SMG7: variants seen among roughly 807,000 people sequenced by gnomAD.
The protein encoded by SMG7 is nonsense-mediated mRNA decay factor SMG7.
A neutral mutation model predicts 148.2 loss-of-function variants in SMG7; 34 were observed. The observed-to-expected ratio is 0.23, with a 90% CI of 0.17 to 0.31. The LOEUF is 0.31. Ranked by LOEUF, SMG7 falls within the 10% of genes least tolerant of loss-of-function variation. The probability of loss-of-function intolerance (pLI) is 1.00; values close to 1 mark genes in which losing one functional copy is unlikely to be tolerated. For synonymous variants in SMG7, 492 were observed against 515.1 expected (o/e 0.96, Z 0.61); for missense variants, 1,114 against 1,408.4 (o/e 0.79, Z 3.35).
In SMG7 at chr1:183,551,041, T is replaced by A; in HGVS notation, c.3305-4T>A. On this transcript the variant is annotated splice_polypyrimidine_tract_variant and splice_region_variant and intron_variant, in intron 21 of 22. Coordinates refer to ENST00000688051, the MANE Select transcript of SMG7 (RefSeq NM_001375584.1). ...AATTTTTCTTATCTCTTTTCATCCC[T>A]TAGCCATGGGTGGGTTTGGCATTGA... The A allele has an allele frequency of 1.9e-6, 3 of 1,614,068 alleles. No homozygotes were observed. The highest frequency in any genetic ancestry group is 2.5e-6 in the Non-Finnish European group (3 of 1,179,984).
intron 6 of SMG7, 121 bp downstream of exon 6, chr1:183,528,148 C>T: frequency 1.8e-6 from 1 of 566,286 alleles, no homozygotes; most frequent in Non-Finnish European, 2.9e-6. Context: ...TTGTTATTGT[C>T]ATGTTTTTCC....
At chr1:183,545,920 A>G (rs1669844812) in intron 16 of SMG7, 46 bp from the exon 17 acceptor site, 1 of 1,529,078 alleles carries the variant, frequency 6.5e-7, no homozygotes, top group African/African-American at 1.4e-5. Flanking sequence ...ATTATAAGTA[A>G]TATTGCATTT....
chr1:183,547,197 A>G lies in SMG7; in HGVS notation c.2837A>G (p.Asp946Gly), dbSNP rs1484798687. ...EEELIFSNPP[D>G]LYPALLGPLA... is the part of the protein sequence containing the mutation. ...GAGCTGATTTTTTCTAACCCTCCTG[A>G]TCTTTACCCGGCTCTGCTGGGGCCT... is the stretch of plus-strand genomic sequence containing the variant. The change falls in exon 18 of 23, where the codon GAT (aspartate) becomes GGT (glycine). Residue 946 changes from aspartate (D) to glycine (G), a missense_variant. Around this residue, in one of 4 missense-constraint regions of SMG7, gnomAD observed 788 missense variants for 894.5 expected, o/e 0.88. Coordinates refer to ENST00000688051, the MANE Select transcript of SMG7 (RefSeq NM_001375584.1). The G allele has an allele frequency of 6.5e-7, 1 of 1,550,276 alleles. No individual in the cohort carries two copies. The highest frequency in any genetic ancestry group is 8.7e-7 in the Non-Finnish European group (1 of 1,146,862).
chr1:183,512,687 G>T (rs1662412737), intron 1 of SMG7, 150 bp from the exon 2 acceptor site: 1 of 703,864 alleles, frequency 1.4e-6, no homozygotes, highest in Non-Finnish European at 2.3e-6. Flanking sequence ...GTTAAAGTAG[G>T]GATGCTGTTT....
chr1:183,541,176 G>A (rs190819365), intron 13 of SMG7, 73 bp downstream of exon 13: 80 of 1,244,698 alleles, frequency 6.4e-5, no homozygotes, highest in Non-Finnish European at 7.9e-5. Context: ...ACACGCGCGC[G>A]CACACACACA....
chr1:183,542,163 A>T lies in SMG7; in HGVS notation c.1503A>T (p.Lys501Asn). The change falls in exon 14 of 23, where the codon AAA becomes AAT. Residue 501 changes from lysine to asparagine, a missense_variant. Physicochemically the swap from Lys to Asn is moderately conservative, Grantham distance 94. Around this residue, in one of 4 missense-constraint regions of SMG7, gnomAD observed 788 missense variants for 894.5 expected, o/e 0.88. Transcript: ENST00000688051. The stretch of plus-strand genomic sequence containing the variant: ...TACTGGAAGACCCCAGTGAAGCCAA[A>T]GAGAACCTCATTCTGCAAGAAACAT... ...ELILEDPSEAKENLILQETSV... is the reference protein window; with the variant it reads ...ELILEDPSEANENLILQETSV... 1 of 1,614,176 alleles carries T rather than the reference A, an allele frequency of 6.2e-7. No individual in the cohort carries two copies. The highest frequency in any genetic ancestry group is 8.5e-7 in the Non-Finnish European group (1 of 1,179,992).
At chr1:183,505,072 T>C (rs1660598318) in intron 1 of SMG7, among the ~76,000 whole-genome samples, 1 of 151,914 alleles carries the variant, frequency 6.6e-6, no homozygotes, top group Non-Finnish European at 1.5e-5. Context: ...CCACCTTCTT[T>C]CCTTTATTCT....
intron 1 of SMG7, among the ~76,000 whole-genome samples, chr1:183,494,095 C>T (rs1404398781): frequency 1.3e-5 from 2 of 152,126 alleles, no homozygotes; most frequent in African/African-American, 4.8e-5. Context: ...TCAAGCAATC[C>T]TCCCACCTCA....
chr1:183,511,924 C>T (rs1456073512), intron 1 of SMG7, among the ~76,000 whole-genome samples: 1 of 152,096 alleles, frequency 6.6e-6, no homozygotes, highest in African/African-American at 2.4e-5. Context: ...TTTCTTCCTT[C>T]CACAATTGGA....
At chr1:183,536,812 T>C (rs1025132173) in intron 10 of SMG7, among the ~76,000 whole-genome samples, 1 of 152,194 alleles carries the variant, frequency 6.6e-6, no homozygotes, top group African/African-American at 2.4e-5. Flanking sequence ...ACATAGTATG[T>C]TATTTCTTTG....
chr1:183,486,911 A>C (rs901025244), intron 1 of SMG7, among the ~76,000 whole-genome samples: 1 of 152,202 alleles, frequency 6.6e-6, no homozygotes, highest in African/African-American at 2.4e-5. Flanking sequence ...CAGGTTGCTC[A>C]GGCTGGTCAC....
chr1:183,553,222 T>G lies in SMG7; in HGVS notation c.*1291T>G, dbSNP rs1558080768. ...AATAAACTCTTTGTATGATATTTAT[T>G]AGGAGGAAAGAGGACTGAAAATGTT... On this transcript the variant is annotated 3_prime_UTR_variant, in exon 23 of 23. Coordinates refer to ENST00000688051, the MANE Select transcript of SMG7 (RefSeq NM_001375584.1). The G allele has an allele frequency of 6.6e-7, 1 of 1,523,188 alleles. No homozygotes were observed. Among genetic ancestry groups the G allele is most frequent in the South Asian group, 1.2e-5 (1 of 83,444 alleles). The allele number at this position is 1,523,188 out of a possible 1,614,324, so 94.4% of individuals were successfully genotyped here.
intron 1 of SMG7, chr1:183,473,691 A>G (rs1251017388): frequency 2.1e-6 from 2 of 957,426 alleles, no homozygotes; most frequent in Non-Finnish European, 2.5e-6. Context: ...AAAGGGGAAG[A>G]CTTTAAAATT....
At chr1:183,496,276 T>C (rs1401189200) in intron 1 of SMG7, among the ~76,000 whole-genome samples, 3 of 152,192 alleles carry the variant, frequency 2.0e-5, no homozygotes, top group Admixed American at 6.5e-5. Context: ...CTTTTAAATA[T>C]ATGCAATAGT....
At chr1:183,539,760 A>C (rs1341246539) in intron 12 of SMG7, among the ~76,000 whole-genome samples, 1 of 152,214 alleles carries the variant, frequency 6.6e-6, no homozygotes, top group Non-Finnish European at 1.5e-5. Flanking sequence ...AGCCTTTATA[A>C]TTATGTGTCT....
At chr1:183,536,046 C>A (rs549956937) in intron 10 of SMG7, among the ~76,000 whole-genome samples, 2 of 152,226 alleles carry the variant, frequency 1.3e-5, no homozygotes, top group South Asian at 4.1e-4. Flanking sequence ...AGTTAACTTA[C>A]AATTTTCCGT....
At chr1:183,518,976 G>A (rs1664165636) in intron 4 of SMG7, among the ~76,000 whole-genome samples, 1 of 152,162 alleles carries the variant, frequency 6.6e-6, no homozygotes, top group African/African-American at 2.4e-5. Context: ...GCTGGGTGCA[G>A]TGGCTCAGGC....
chr1:183,475,029 C>T (rs1012188140), intron 1 of SMG7, among the ~76,000 whole-genome samples: 1 of 152,174 alleles, frequency 6.6e-6, no homozygotes, highest in Non-Finnish European at 1.5e-5. Flanking sequence ...TTTCCTTTTA[C>T]ACATGAGGAA....
Position 183,552,758 on chromosome 1 carries a change from C to A in SMG7, c.*827C>A. ...TTGATTCCTGTACATTTTACAGTCG[C>A]ACAGCAAGCAGTCTCACAGAAGGCA... On this transcript the variant is annotated 3_prime_UTR_variant, in exon 23 of 23. Coordinates refer to ENST00000688051, the MANE Select transcript of SMG7 (RefSeq NM_001375584.1). 1 of 1,385,474 alleles carries A rather than the reference C, an allele frequency of 7.2e-7. No individual in the cohort carries two copies. Among genetic ancestry groups the A allele is most frequent in the Non-Finnish European group, 9.3e-7 (1 of 1,071,536 alleles). The allele number at this position is 1,385,474 out of a possible 1,614,324, so 85.8% of individuals were successfully genotyped here. A position where few individuals can be genotyped will look rare whatever the true frequency, so the allele number is the denominator to read the frequency against.
Sources: allele counts gnomAD v4.1 joint callset (sites outside exome capture counted in the v4.1 genomes callset), GRCh38; gene constraint gnomAD v4.1.1; regional missense constraint gnomAD v4.1.1; transcripts MANE v1.5; gene names NCBI Gene and HGNC (gene_info 2026-07-23, HGNC 2026-07-21).